SNTG2: variants seen among roughly 807,000 people sequenced by gnomAD.
SNTG2 encodes the protein gamma-2-syntrophin.
In SNTG2, 74 loss-of-function variants were observed where a neutral mutation model predicts 70.9. That is an observed-to-expected ratio of 1.04 (90% CI 0.86 to 1.27). The LOEUF is 1.27. Ranked by LOEUF, SNTG2 falls within the 50% of genes most tolerant of loss-of-function variation. SNTG2 has a pLI of 0.00. For missense variants in SNTG2, 717 were observed against 690.7 expected, an observed-to-expected ratio of 1.04 and a Z score of -0.43; for synonymous variants, 278 against 273.8, an observed-to-expected ratio of 1.02 and a Z score of -0.15.
chr2:1,133,442 AAAGT>A (rs1668154327), intron 4 of SNTG2, among the ~76,000 whole-genome samples: 1 of 152,210 alleles, frequency 6.6e-6, no homozygotes, highest in Non-Finnish European at 1.5e-5. Flanking sequence ...CAAGTATAAT[AAAGT>A]ATTACCTCAT....
chr2:1,047,268 A>C (rs538857452), intron 1 of SNTG2, among the ~76,000 whole-genome samples: 2 of 152,294 alleles, frequency 1.3e-5, no homozygotes, highest in African/African-American at 4.8e-5. Context: ...GGATTCCATA[A>C]ATTCTTTGGC....
At chr2:974,651 A>G (rs1310338329) in intron 1 of SNTG2, among the ~76,000 whole-genome samples, 1 of 152,100 alleles carries the variant, frequency 6.6e-6, no homozygotes, top group African/African-American at 2.4e-5. Flanking sequence ...AGTTTCTAAA[A>G]TGTTGCTGGC....
chr2:1,167,714 GA>G lies in SNTG2; in HGVS notation c.499+2081del, dbSNP rs1244396636. ...GAAGCCGCCCACAGACGGCAGAACT[GA>G]AGCCTAGAAGCCGCCCACAGACGGC... On this transcript the variant is annotated intron_variant, in intron 7 of 16. Coordinates refer to ENST00000308624, the MANE Select transcript of SNTG2 (RefSeq NM_018968.4). 4.0e-3 allele frequency among the ~76,000 whole-genome samples: 340 copies of G among 85,960 alleles called. 9 individuals are homozygous for G. Among genetic ancestry groups the G allele is most frequent in the East Asian group, 1.0e-2 (18 of 1,806 alleles). 56.4% of individuals were successfully genotyped at this position (85,960 alleles called of 152,430 possible).
chr2:1,187,889 TAA>T (rs1365694158), intron 8 of SNTG2, among the ~76,000 whole-genome samples: 1 of 152,170 alleles, frequency 6.6e-6, no homozygotes, highest in African/African-American at 2.4e-5. Flanking sequence ...AAAGTAAAAA[TAA>T]AGACTTGTTC....
At chr2:1,041,679 C>CT (rs1661445795) in intron 1 of SNTG2, among the ~76,000 whole-genome samples, 1 of 152,280 alleles carries the variant, frequency 6.6e-6, no homozygotes, top group Non-Finnish European at 1.5e-5. Flanking sequence ...TCACCTTCTG[C>CT]TGTGAGTCAA....
At chr2:1,132,083 C>A (rs1339590980) in intron 4 of SNTG2, among the ~76,000 whole-genome samples, 2 of 152,066 alleles carry the variant, frequency 1.3e-5, no homozygotes, top group African/African-American at 4.8e-5. Context: ...ATAGTCTCTG[C>A]TACATTGTTT....
intron 1 of SNTG2, among the ~76,000 whole-genome samples, chr2:1,078,050 A>T (rs982345784): frequency 1.3e-5 from 2 of 152,176 alleles, no homozygotes; most frequent in Non-Finnish European, 2.9e-5. Flanking sequence ...CATTAAACAC[A>T]TTGTTAGAAT....
rs556826270 is a variant in SNTG2, at chr2:1,074,248, G to A, written c.73-9270G>A. 2.0e-5 allele frequency among the ~76,000 whole-genome samples: 3 copies of A among 152,296 alleles called. No individual in the cohort carries two copies. In the South Asian group the frequency reaches 6.2e-4, roughly 32 times the overall value. On this transcript the variant is annotated intron_variant, in intron 1 of 16. Transcript: ENST00000308624. Reference sequence around the variant, plus strand: ...GAATGCTCAGACATGCCCTGCTCAGGGGTAGGAACACTGCCAAGTAGCCCT... The same window carrying A: ...GAATGCTCAGACATGCCCTGCTCAGAGGTAGGAACACTGCCAAGTAGCCCT...
intron 16 of SNTG2, among the ~76,000 whole-genome samples, chr2:1,360,384 C>T (rs1661071778): frequency 6.6e-6 from 1 of 152,158 alleles, no homozygotes; most frequent in Non-Finnish European, 1.5e-5. Context: ...TTGTATGAAG[C>T]CTGGATCACC....
chr2:1,355,613 A>G (rs1660807535), intron 16 of SNTG2, among the ~76,000 whole-genome samples: 1 of 152,144 alleles, frequency 6.6e-6, no homozygotes, highest in Non-Finnish European at 1.5e-5. Context: ...CTGTTTCCCT[A>G]TCCTGGCTAT....
chr2:1,081,403 C>T (rs1664285819), intron 1 of SNTG2, among the ~76,000 whole-genome samples: 1 of 152,212 alleles, frequency 6.6e-6, no homozygotes, highest in African/African-American at 2.4e-5. Context: ...TTCTGTTTTC[C>T]CAGTCGAGTG....
chr2:1,155,178 C>CCCCACACA (rs1669801466), intron 6 of SNTG2, among the ~76,000 whole-genome samples: 3 of 150,372 alleles, frequency 2.0e-5, no homozygotes, highest in South Asian at 4.2e-4. Flanking sequence ...GACCCCCCCC[C>CCCCACACA]CACACACATA....
At chr2:1,006,267 T>A (rs1472929185) in intron 1 of SNTG2, among the ~76,000 whole-genome samples, 3 of 151,502 alleles carry the variant, frequency 2.0e-5, no homozygotes, top group Non-Finnish European at 4.4e-5. Context: ...CATATGTAAC[T>A]AACCTGCACA....
In SNTG2 at chr2:1,083,258, AAAC is replaced by A. The variant is rs201455496; in HGVS notation, c.73-257_73-255del. ...TATAAAACTTCACAAGTTAAAAAAA[AAAC>A]AAACGCCTGGCTAATTTTCTTTTAA... On this transcript the variant is annotated intron_variant, in intron 1 of 16. Transcript: ENST00000308624. Among the ~76,000 whole-genome samples the A allele has an allele frequency of 4.4e-3, 270 of 60,748 alleles. 1 individual carries two copies. Among genetic ancestry groups the A allele is most frequent in the Middle Eastern group, 0.012 (1 of 82 alleles). 39.9% of individuals were successfully genotyped at this position (60,748 alleles called of 152,430 possible).
At chr2:1,057,350 G>A (rs1662531396) in intron 1 of SNTG2, among the ~76,000 whole-genome samples, 1 of 152,026 alleles carries the variant, frequency 6.6e-6, no homozygotes, top group Admixed American at 6.5e-5. Flanking sequence ...GTTCTCCAGA[G>A]GGACAGAATT....
chr2:1,202,947 G>A (rs1435526272), intron 8 of SNTG2, among the ~76,000 whole-genome samples: 1 of 152,138 alleles, frequency 6.6e-6, no homozygotes, highest in African/African-American at 2.4e-5. Flanking sequence ...GAAAAACACA[G>A]AGAAATCCAC....
At chr2:1,118,199 G>C (rs996169541) in intron 4 of SNTG2, among the ~76,000 whole-genome samples, 1 of 152,058 alleles carries the variant, frequency 6.6e-6, no homozygotes, top group African/African-American at 2.4e-5. Context: ...GCTGCCCTGT[G>C]CACCTGTGCC....
At chr2:1,319,182 TG>T (rs1435819198) in intron 16 of SNTG2, among the ~76,000 whole-genome samples, 2 of 152,258 alleles carry the variant, frequency 1.3e-5, no homozygotes, top group African/African-American at 2.4e-5. Context: ...TAGATTCAGG[TG>T]GGACACAGGC....
chr2:1,222,299 C>T (rs905295205), intron 9 of SNTG2, among the ~76,000 whole-genome samples: 10 of 152,230 alleles, frequency 6.6e-5, no homozygotes, highest in Non-Finnish European at 1.3e-4. Flanking sequence ...GCAAAGTCTC[C>T]GCTTTTGGAC....
Sources: gnomAD v4.1 joint callset for allele counts (sites outside exome capture counted in the v4.1 genomes callset) on GRCh38, gnomAD v4.1.1 for gene constraint, MANE v1.5 for transcripts, NCBI Gene and HGNC (gene_info 2026-07-23, HGNC 2026-07-21) for gene names.